Variants in PCDHGA10 observed in about 807,000 individuals in gnomAD.
PCDHGA10 encodes the protein protocadherin gamma subfamily A, 10, also known as protocadherin gamma-A10.
A neutral mutation model predicts 59.5 loss-of-function variants in PCDHGA10; 42 were observed. The observed-to-expected ratio is 0.71, with a 90% CI of 0.55 to 0.91. The LOEUF is 0.91. PCDHGA10 is among the 40% of genes least tolerant of loss of function. The probability of loss-of-function intolerance (pLI) is 0.00; values close to 1 mark genes in which losing one functional copy is unlikely to be tolerated. For synonymous variants in PCDHGA10, 511 were observed against 517.2 expected (o/e 0.99, Z 0.16); for missense variants, 1,111 against 1,198.2 (o/e 0.93, Z 1.07).
In PCDHGA10 at chr5:141,477,041, C is replaced by A; in HGVS notation, c.2437-17766C>A. 3 of 1,614,242 alleles carry A rather than the reference C, an allele frequency of 1.9e-6. No individual in the cohort carries two copies. Among genetic ancestry groups the A allele is most frequent in the Admixed American group, 1.7e-5 (1 of 60,036 alleles). Reference sequence around the variant, plus strand: ...AACCGGGATGCTGACAATCAAGGGTCGGCTGGACTTCGAGGACACCAAACT... The same window carrying A: ...AACCGGGATGCTGACAATCAAGGGTAGGCTGGACTTCGAGGACACCAAACT... On this transcript the variant is annotated intron_variant, in intron 1 of 3. Transcript: ENST00000398610. The surrounding 1 kb of genome is among the most constrained non-coding windows in gnomAD (Gnocchi z 4.9).
chr5:141,423,169 C>T (rs747206648), intron 1 of PCDHGA10: 4 of 1,613,460 alleles, frequency 2.5e-6, no homozygotes, highest in Admixed American at 3.3e-5. Flanking sequence ...GGTGGCCGTC[C>T]AGGACCACGG....
In PCDHGA10 at chr5:141,485,910, G is replaced by C. The variant is rs142273728; in HGVS notation, c.2437-8897G>C. On this transcript the variant is annotated intron_variant, in intron 1 of 3. Transcript: ENST00000398610. The surrounding 1 kb of genome is among the most constrained non-coding windows in gnomAD (Gnocchi z 5.7). ...AACGCCCCAGCCTTCCAGCAATCCAGCTACAGGATTAGTGTGTTGGAGAGC... is the reference window on the plus strand; with the variant it reads ...AACGCCCCAGCCTTCCAGCAATCCACCTACAGGATTAGTGTGTTGGAGAGC... The C allele has an allele frequency of 1.2e-6, 2 of 1,614,078 alleles. No homozygotes were observed. Among genetic ancestry groups the C allele is most frequent in the African/African-American group, 2.7e-5 (2 of 74,932 alleles).
chr5:141,500,036 T>C (rs1001193977), intron 2 of PCDHGA10, among the ~76,000 whole-genome samples: 8 of 152,176 alleles, frequency 5.3e-5, no homozygotes, highest in African/African-American at 1.9e-4. Flanking sequence ...TGAGTGTCTC[T>C]TAAGTATCTT....
chr5:141,503,506 G>A (rs2099820313), intron 2 of PCDHGA10, among the ~76,000 whole-genome samples: 1 of 151,616 alleles, frequency 6.6e-6, no homozygotes, highest in African/African-American at 2.4e-5. Context: ...GGCTGAGGCA[G>A]GAGAATCACT....
chr5:141,455,494 T>C (rs1223531150), intron 1 of PCDHGA10, among the ~76,000 whole-genome samples: 2 of 152,214 alleles, frequency 1.3e-5, no homozygotes, highest in African/African-American at 4.8e-5. Context: ...AGGTGATGTC[T>C]GATTTGCATA....
intron 1 of PCDHGA10, among the ~76,000 whole-genome samples, chr5:141,465,048 AT>A (rs905091014): frequency 4.0e-5 from 6 of 151,346 alleles, no homozygotes; most frequent in African/African-American, 9.7e-5. Context: ...GACCCTATAT[AT>A]TTTTTTGAAT....
Position 141,485,795 on chromosome 5 carries a change from T to G in PCDHGA10, c.2437-9012T>G, listed in dbSNP as rs1225630684. On this transcript the variant is annotated intron_variant, in intron 1 of 3. Coordinates refer to ENST00000398610, the MANE Select transcript of PCDHGA10 (RefSeq NM_018913.3). The surrounding 1 kb of genome is among the most constrained non-coding windows in gnomAD (Gnocchi z 5.7). ...TTTGGATCGAGAGAAGCAATCGGAC[T>G]ACCGCCTGGTGCTGACTGCTGTCGA... 16 of 1,614,092 alleles carry G rather than the reference T, an allele frequency of 9.9e-6. No individual in the cohort carries two copies. The highest frequency in any genetic ancestry group is 1.1e-5 in the Non-Finnish European group (13 of 1,180,046).
At chr5:141,462,984 T>G (rs1349170605) in intron 1 of PCDHGA10, among the ~76,000 whole-genome samples, 1 of 152,156 alleles carries the variant, frequency 6.6e-6, no homozygotes, top group African/African-American at 2.4e-5. Context: ...ACTTTTGCCT[T>G]GGGCTAATTT....
At position 141,414,145 on chromosome 5, in the gene PCDHGA10, C is replaced by T. The variant is rs1157390595; in HGVS notation, c.970C>T (p.Gln324Ter). 6.3e-7 allele frequency: 1 copy of T among 1,597,566 alleles called. No individual in the cohort carries two copies. The highest frequency in any genetic ancestry group is 8.5e-7 in the Non-Finnish European group (1 of 1,171,794). The change falls in exon 1 of 4, where the codon CAA becomes TAA. Residue 324 changes from glutamine to a stop codon, truncating the protein, a stop_gained. Transcript: ENST00000398610. LOFTEE classifies it high-confidence loss of function. ...AACCGGTTTCTATGAAATAGAAATA[C>T]AAGCAGAAGATGGAGGAGCATATCT... ...EETGFYEIEI[Q>*]AEDGGAYLAT...
chr5:141,422,398 C>T lies in PCDHGA10; in HGVS notation c.2436+6787C>T, dbSNP rs2096646163. On this transcript the variant is annotated intron_variant, in intron 1 of 3. Transcript: ENST00000398610. Reference sequence around the variant, plus strand: ...AGTCTCCTGTTTTATTCCTAACCACCTGCCTTTTAAATTAGAAAAGACTTA... The same window carrying T: ...AGTCTCCTGTTTTATTCCTAACCACTTGCCTTTTAAATTAGAAAAGACTTA... The T allele has an allele frequency of 1.9e-6, 3 of 1,597,634 alleles. No individual in the cohort carries two copies. In the Admixed American group the frequency reaches 5.3e-5, roughly 28 times the overall value.
chr5:141,428,177 G>A lies in PCDHGA10; in HGVS notation c.2436+12566G>A, dbSNP rs754811645. The A allele has an allele frequency of 1.4e-5, 21 of 1,510,058 alleles. 1 individual carries two copies. The South Asian group carries it at 1.7e-4, about 12-fold the overall frequency. The allele number at this position is 1,510,058 out of a possible 1,614,324, so 93.5% of individuals were successfully genotyped here. ...CCTGCTGGTTGCTGTGCGTGACGGA[G>A]GACAGCCGCCGCTCTCTGCGCCGCT... On this transcript the variant is annotated intron_variant, in intron 1 of 3. Coordinates refer to ENST00000398610, the MANE Select transcript of PCDHGA10 (RefSeq NM_018913.3).
Position 141,432,726 on chromosome 5 carries a change from C to T in PCDHGA10, c.2436+17115C>T, listed in dbSNP as rs777248611. The T allele has an allele frequency of 3.1e-6, 5 of 1,614,092 alleles. No homozygotes were observed. Among genetic ancestry groups the T allele is most frequent in the Non-Finnish European group, 3.4e-6 (4 of 1,179,998 alleles). On this transcript the variant is annotated intron_variant, in intron 1 of 3. Coordinates refer to ENST00000398610, the MANE Select transcript of PCDHGA10 (RefSeq NM_018913.3). This position sits in a 1 kb window ranked among gnomAD's most constrained non-coding sequence, Gnocchi z 6.0. ...GACCACGGCCAGCCCCCTCTCTCCG[C>T]CACTGTCACGCTCACCGTGGCCGTG...
In PCDHGA10 at chr5:141,505,090, A is replaced by C. The variant is rs1018571873; in HGVS notation, c.2496-303A>C. Among the ~76,000 whole-genome samples the C allele has an allele frequency of 3.9e-5, 6 of 152,188 alleles. 1 individual carries two copies. The South Asian group carries it at 1.2e-3, about 31-fold the overall frequency. ...GGCAGGAGAATCGCTTGAACCCAGG[A>C]GGTGGATGTTGCAATGAGCCAAGAT... On this transcript the variant is annotated intron_variant, in intron 2 of 3. Transcript: ENST00000398610.
At position 141,485,680 on chromosome 5, in the gene PCDHGA10, C is replaced by A. The variant is rs1450674419; in HGVS notation, c.2437-9127C>A. The A allele has an allele frequency of 6.2e-7, 1 of 1,613,966 alleles. No individual in the cohort carries two copies. On this transcript the variant is annotated intron_variant, in intron 1 of 3. Transcript: ENST00000398610. The surrounding 1 kb of genome is among the most constrained non-coding windows in gnomAD (Gnocchi z 5.7). ...ATGTGGGGAGCAATTCGATTAGCAGCTATAGGCTGAGCTCCAATGAACACT... is the reference window on the plus strand; with the variant it reads ...ATGTGGGGAGCAATTCGATTAGCAGATATAGGCTGAGCTCCAATGAACACT...
chr5:141,473,988 G>A (rs1006988447), intron 1 of PCDHGA10, among the ~76,000 whole-genome samples: 1 of 152,118 alleles, frequency 6.6e-6, no homozygotes, highest in African/African-American at 2.4e-5. Flanking sequence ...AGGATCCCTT[G>A]AGCCCAAGGA....
In PCDHGA10 at chr5:141,431,464, G is replaced by C. The variant is rs1413324509; in HGVS notation, c.2436+15853G>C. On this transcript the variant is annotated intron_variant, in intron 1 of 3. Coordinates refer to ENST00000398610, the MANE Select transcript of PCDHGA10 (RefSeq NM_018913.3). This position sits in a 1 kb window ranked among gnomAD's most constrained non-coding sequence, Gnocchi z 4.8. ...GCATCCGCGTGATGGTTCTGGATGCGAACGACAACGCACCAGCGTTTGCTC... is the reference window on the plus strand; with the variant it reads ...GCATCCGCGTGATGGTTCTGGATGCCAACGACAACGCACCAGCGTTTGCTC... The C allele has an allele frequency of 6.2e-7, 1 of 1,613,664 alleles. No individual in the cohort carries two copies. Among genetic ancestry groups the C allele is most frequent in the African/African-American group, 1.3e-5 (1 of 74,950 alleles).
At chr5:141,421,252 G>A in intron 1 of PCDHGA10, 1 of 1,607,158 alleles carries the variant, frequency 6.2e-7, no homozygotes, top group Non-Finnish European at 8.5e-7. Context: ...ACAGCGCGGG[G>A]ACCGCAGTCG....
intron 1 of PCDHGA10, chr5:141,433,250 G>A: frequency 1.4e-6 from 2 of 1,440,892 alleles, no homozygotes; most frequent in Non-Finnish European, 1.9e-6. Flanking sequence ...CTGGAATGCA[G>A]CGGTACGATC....
intron 1 of PCDHGA10, among the ~76,000 whole-genome samples, chr5:141,452,664 T>C (rs557662640): frequency 6.6e-6 from 1 of 151,058 alleles, no homozygotes; most frequent in South Asian, 2.1e-4. Context: ...TCCACTGCAC[T>C]CCAGCCTAGG....
Sources: allele counts gnomAD v4.1 joint callset (sites outside exome capture counted in the v4.1 genomes callset), GRCh38; gene constraint gnomAD v4.1.1; non-coding constraint Gnocchi (gnomAD v3.1); transcripts MANE v1.5; gene names NCBI Gene and HGNC (gene_info 2026-07-23, HGNC 2026-07-21).